The following PNPT1 variants were observed in gnomAD, a reference collection of about 807,000 sequenced individuals.
The protein encoded by PNPT1 is polyribonucleotide nucleotidyltransferase 1.
PNPT1 carries 53 observed loss-of-function variants against 119.5 expected under a neutral mutation model. The observed-to-expected ratio is 0.44, with a 90% CI of 0.36 to 0.56. The LOEUF (loss-of-function observed/expected upper bound fraction) is 0.56, where lower values mean the gene tolerates loss of function less well. Among genes scored for constraint, PNPT1 ranks in the 20% least tolerant of loss-of-function variants. The pLI is 0.00. For synonymous variants in PNPT1, 357 were observed against 322.1 expected, an observed-to-expected ratio of 1.11 and a Z score of -1.16; for missense variants, 948 against 938.5, an observed-to-expected ratio of 1.01 and a Z score of -0.13.
intron 24 of PNPT1, 49 bp from the exon 25 acceptor site, chr2:55,643,262 A>G: frequency 3.7e-6 from 6 of 1,613,494 alleles, no homozygotes; most frequent in Non-Finnish European, 5.1e-6. Context: ...ACATCAACAA[A>G]AAGTAGAAAA....
rs955919400 is a variant in PNPT1, at chr2:55,647,502, A to C, written c.1496-49T>G. ...TGTGGGTAATGTGTACATGAGCCTAAAACAAATATTTATCTATCAATTTTT... is the reference window on the plus strand; with the variant it reads ...TGTGGGTAATGTGTACATGAGCCTACAACAAATATTTATCTATCAATTTTT... On this transcript the variant is annotated intron_variant, in intron 18 of 27. Coordinates refer to ENST00000447944, the MANE Select transcript of PNPT1 (RefSeq NM_033109.5). 5 of 1,410,744 alleles carry C rather than the reference A, an allele frequency of 3.5e-6. No homozygotes were observed. The South Asian group carries it at 6.7e-5, about 19-fold the overall frequency. 87.4% of individuals were successfully genotyped at this position (1,410,744 alleles called of 1,614,324 possible). A position where few individuals can be genotyped will look rare whatever the true frequency, so the allele number is the denominator to read the frequency against.
intron 18 of PNPT1, among the ~76,000 whole-genome samples, chr2:55,650,918 G>A (rs553211465): frequency 7.8e-4 from 116 of 149,280 alleles, no homozygotes; most frequent in Non-Finnish European, 1.5e-3. Context: ...CCCCCGCCCG[G>A]CCAGCCGCCC....
chr2:55,668,969 A>C (rs372160234), intron 11 of PNPT1, among the ~76,000 whole-genome samples: 7 of 152,320 alleles, frequency 4.6e-5, no homozygotes, highest in African/African-American at 1.7e-4. Context: ...ATTGGGGAAA[A>C]ATTTTAAAAA....
Position 55,677,453 on chromosome 2 carries a change from G to A in PNPT1, c.679+2229C>T, listed in dbSNP as rs368058141. On this transcript the variant is annotated intron_variant, in intron 8 of 27. Coordinates refer to ENST00000447944, the MANE Select transcript of PNPT1 (RefSeq NM_033109.5). The stretch of plus-strand genomic sequence containing the variant: ...TACTAAAAATACAAAAATTAGCTGG[G>A]CATGGCGGTGCACGCCTATAATCCC... Among the ~76,000 whole-genome samples, 130 of 152,034 alleles carry A rather than the reference G, an allele frequency of 8.6e-4. 1 individual carries two copies. The South Asian group carries it at 0.026, about 30-fold the overall frequency.
chr2:55,683,247 C>G (rs1697302285), intron 5 of PNPT1, among the ~76,000 whole-genome samples: 1 of 152,116 alleles, frequency 6.6e-6, no homozygotes, highest in Non-Finnish European at 1.5e-5. Flanking sequence ...CCTGACACAC[C>G]TTGGTTGGCT....
chr2:55,692,756 C>T (rs1211156875), intron 1 of PNPT1, among the ~76,000 whole-genome samples: 1 of 152,106 alleles, frequency 6.6e-6, no homozygotes, highest in Non-Finnish European at 1.5e-5. Flanking sequence ...TTTCCTTTTC[C>T]TCCTAACCCA....
intron 1 of PNPT1, among the ~76,000 whole-genome samples, chr2:55,691,618 G>C (rs1016218744): frequency 6.6e-6 from 1 of 152,012 alleles, no homozygotes; most frequent in African/African-American, 2.4e-5. Context: ...GCTGCATCTT[G>C]TTTTCAGTAT....
chr2:55,691,410 G>C (rs539094654), intron 1 of PNPT1, among the ~76,000 whole-genome samples: 2 of 152,294 alleles, frequency 1.3e-5, no homozygotes, highest in South Asian at 2.1e-4. Flanking sequence ...CTGGTACATA[G>C]TAGTCACTCA....
rs1299484729 is a variant in PNPT1 at position 55,640,702 on chromosome 2, A to G, written c.2073T>C (p.Asp691=). 6.4e-7 allele frequency: 1 copy of G among 1,555,548 alleles called. No homozygotes were observed. The highest frequency in any genetic ancestry group is 1.4e-5 in the African/African-American group (1 of 73,584). ...GATATAATTTTACCATTACACCAGTATCTCTACAAAAAAATAAATAGTAAG... is the reference window on the plus strand; with the variant it reads ...GATATAATTTTACCATTACACCAGTGTCTCTACAAAAAAATAAATAGTAAG... The part of the protein sequence containing the change: ...VYTATITEIR[D]TGVMVKLYPN... The change falls in exon 26 of 28, where the codon GAT becomes GAC. Residue 691 remains aspartate, a synonymous_variant. Coordinates refer to ENST00000447944, the MANE Select transcript of PNPT1 (RefSeq NM_033109.5).
chr2:55,687,571 T>G, intron 2 of PNPT1, 74 bp downstream of exon 2: 1 of 1,054,982 alleles, frequency 9.5e-7, no homozygotes, highest in South Asian at 1.6e-5. Flanking sequence ...AGTTACACGA[T>G]GTTGTAGTTA....
At chr2:55,690,102 A>AT (rs1487909444) in intron 1 of PNPT1, among the ~76,000 whole-genome samples, 2 of 152,208 alleles carry the variant, frequency 1.3e-5, no homozygotes. Flanking sequence ...GATTACAAAT[A>AT]TAAGCCACTG....
intron 14 of PNPT1, 114 bp downstream of exon 14, chr2:55,661,842 A>C (rs1489853674): frequency 2.0e-6 from 2 of 980,008 alleles, no homozygotes; most frequent in African/African-American, 3.4e-5. Flanking sequence ...AGAAAAATGA[A>C]GTACAAAAAC....
intron 7 of PNPT1, 21 bp from the exon 8 acceptor site, chr2:55,679,816 G>A (rs770004772): frequency 6.6e-7 from 1 of 1,522,458 alleles, no homozygotes; most frequent in Non-Finnish European, 9.0e-7. Context: ...TTAGAATATT[G>A]GCAACTGTTT....
intron 4 of PNPT1, among the ~76,000 whole-genome samples, chr2:55,684,632 A>C (rs989538813): frequency 6.6e-6 from 1 of 152,272 alleles, no homozygotes; most frequent in African/African-American, 2.4e-5. Context: ...TAGATTCAAC[A>C]AAGTAGAGGC....
chr2:55,647,700 T>C (rs896028480), intron 18 of PNPT1, among the ~76,000 whole-genome samples: 9 of 152,064 alleles, frequency 5.9e-5, no homozygotes, highest in African/African-American at 2.2e-4. Context: ...GCTTGTATTT[T>C]TAGTGGAGAT....
At position 55,679,787 on chromosome 2, in the gene PNPT1, G is replaced by A. The variant is rs991366882; in HGVS notation, c.574C>T (p.Arg192Ter). ...IPWNGPVGAVRIGIIDGEYVV... is the reference protein window; with the variant it reads ...IPWNGPVGAV ...TATTCTCCATCAATTATTCCTATTC[G>A]TACTGCCCCTAAAATGTATTAGAAT... The change falls in exon 8 of 28, where the codon CGA (arginine) becomes TGA (stop). Residue 192 changes from arginine to a stop codon, truncating the protein, a stop_gained. Coordinates refer to ENST00000447944, the MANE Select transcript of PNPT1 (RefSeq NM_033109.5). LOFTEE classifies it high-confidence loss of function. 7 of 1,598,432 alleles carry A rather than the reference G, an allele frequency of 4.4e-6. No individual in the cohort carries two copies. The highest frequency in any genetic ancestry group is 5.1e-6 in the Non-Finnish European group (6 of 1,169,336).
At position 55,637,604 on chromosome 2, in the gene PNPT1, A is replaced by G. The variant is rs761493792; in HGVS notation, c.2149-5T>C. ...TAGGGCAGTAGGATGTTTAATCTGG[A>G]AAAAAAAATGTTAATCTATTAGTTG... On this transcript the variant is annotated splice_region_variant and splice_polypyrimidine_tract_variant and intron_variant, in intron 26 of 27. Coordinates refer to ENST00000447944, the MANE Select transcript of PNPT1 (RefSeq NM_033109.5). The G allele has an allele frequency of 1.9e-6, 3 of 1,572,580 alleles. No homozygotes were observed. Among genetic ancestry groups the G allele is most frequent in the East Asian group, 2.2e-5 (1 of 44,452 alleles).
chr2:55,655,091 G>A, intron 17 of PNPT1, 138 bp from the exon 18 acceptor site: 1 of 810,812 alleles, frequency 1.2e-6, no homozygotes. Context: ...AGCAACTAAG[G>A]CAAGGTCTTT....
rs151279726 is a variant in PNPT1, at chr2:55,645,931, G to A, written c.1738+328C>T. ...TAACCTCTGCCTCCTGGGCTCAAGC[G>A]ATTCTCTTGTCTCAGCCTCCTGAGT... On this transcript the variant is annotated intron_variant, in intron 21 of 27. Transcript: ENST00000447944. Among the ~76,000 whole-genome samples, 44 of 152,052 alleles carry A rather than the reference G, an allele frequency of 2.9e-4. No individual in the cohort carries two copies. In the East Asian group the frequency reaches 7.9e-3, roughly 27 times the overall value.
Sources: gnomAD v4.1 joint callset for allele counts (sites outside exome capture counted in the v4.1 genomes callset) on GRCh38, gnomAD v4.1.1 for gene constraint, MANE v1.5 for transcripts, NCBI Gene and HGNC (gene_info 2026-07-23, HGNC 2026-07-21) for gene names.